The following FILIP1 variants were observed in gnomAD, a reference collection of about 807,000 sequenced individuals.
FILIP1 encodes the protein filamin A interacting protein 1, also known as filamin-A-interacting protein 1.
A neutral mutation model predicts 102.1 loss-of-function variants in FILIP1; 61 were observed. The ratio of observed to expected loss-of-function variants is 0.60; its 90% CI spans 0.49 to 0.74. The LOEUF (loss-of-function observed/expected upper bound fraction) is 0.74. Among genes scored for constraint, FILIP1 ranks in the 30% least tolerant of loss-of-function variants. The pLI is 0.00. For synonymous variants in FILIP1, 491 were observed against 526.9 expected, an observed-to-expected ratio of 0.93 and a Z score of 0.93; for missense variants, 1,314 against 1,441.2, an observed-to-expected ratio of 0.91 and a Z score of 1.43.
chr6:75,306,915 G>A (rs1056790606), downstream of FILIP1, among the ~76,000 whole-genome samples: 20 of 151,812 alleles, frequency 1.3e-4, no homozygotes, highest in African/African-American at 4.8e-4. Context: ...TGATTCTCCT[G>A]CCTCAGCCTC....
chr6:75,298,248 A>T (rs1206508617), intron 6 of FILIP1, among the ~76,000 whole-genome samples: 1 of 152,224 alleles, frequency 6.6e-6, no homozygotes, highest in East Asian at 1.9e-4. Flanking sequence ...CATGCATCCT[A>T]TGTATGCTAA....
intron 2 of FILIP1, among the ~76,000 whole-genome samples, chr6:75,387,500 C>T (rs1776139806): frequency 6.6e-6 from 1 of 152,136 alleles, no homozygotes; most frequent in African/African-American, 2.4e-5. Flanking sequence ...AATTTACACT[C>T]CCACCAACAG....
chr6:75,358,217 G>C (rs1441187379), intron 3 of FILIP1: 1 of 152,138 alleles, frequency 6.6e-6, no homozygotes, highest in Non-Finnish European at 1.5e-5. Flanking sequence ...TTTTAACTCT[G>C]TTACCTGCAA....
intron 1 of FILIP1, among the ~76,000 whole-genome samples, chr6:75,464,582 A>T (rs994141340): frequency 2.0e-5 from 3 of 152,220 alleles, no homozygotes; most frequent in Admixed American, 2.0e-4. Flanking sequence ...ACTCACAGCC[A>T]GCCAATTCTA....
chr6:75,319,114 T>TG lies in FILIP1; in HGVS notation c.630-3913_630-3912insC, dbSNP rs1409843903. 5.5e-6 allele frequency: 4 copies of TG among 726,764 alleles called. No homozygotes were observed. In the African/African-American group the frequency reaches 7.0e-5, roughly 13 times the overall value. The allele number at this position is 726,764 out of a possible 1,614,324, so 45.0% of individuals were successfully genotyped here. On this transcript the variant is annotated intron_variant, in intron 4 of 5. Coordinates refer to ENST00000237172, the MANE Select transcript of FILIP1 (RefSeq NM_015687.5). ...CTCTTCATCTTCCTCCTCTTCCTTC[T>TG]TTTTCTTGCTTTTTTCAGACTTGAC...
chr6:75,425,340 G>A (rs112164696), intron 1 of FILIP1, among the ~76,000 whole-genome samples: 7 of 152,248 alleles, frequency 4.6e-5, no homozygotes, highest in East Asian at 1.9e-4. Context: ...ATTAAGGTGC[G>A]CTAGAAATTT....
chr6:75,368,873 G>A (rs141495347), intron 2 of FILIP1, among the ~76,000 whole-genome samples: 1 of 152,136 alleles, frequency 6.6e-6, no homozygotes, highest in East Asian at 1.9e-4. Flanking sequence ...TCAGATTTGC[G>A]TGCTGGAAAC....
At chr6:75,476,031 A>G in intron 1 of FILIP1, among the ~76,000 whole-genome samples, 1 of 152,172 alleles carries the variant, frequency 6.6e-6, no homozygotes, top group Admixed American at 6.5e-5. Flanking sequence ...ACTTGAGGTT[A>G]GGAGTTCGAG....
At chr6:75,363,844 G>T (rs1775243423) in intron 2 of FILIP1, among the ~76,000 whole-genome samples, 1 of 152,144 alleles carries the variant, frequency 6.6e-6, no homozygotes, top group Non-Finnish European at 1.5e-5. Context: ...TTATACTAAA[G>T]AAAAAGCTGG....
At chr6:75,423,608 C>T (rs1440344853) in intron 1 of FILIP1, among the ~76,000 whole-genome samples, 1 of 152,226 alleles carries the variant, frequency 6.6e-6, no homozygotes, top group Non-Finnish European at 1.5e-5. Flanking sequence ...AACTGTAATG[C>T]CTGCAGCTGG....
chr6:75,360,552 A>G (rs2149610274), intron 3 of FILIP1: 1 of 152,352 alleles, frequency 6.6e-6, no homozygotes, highest in South Asian at 2.1e-4. Context: ...GAAAGAAATG[A>G]AAGCCTTCAA....
At chr6:75,419,884 C>T (rs1224307438) in intron 1 of FILIP1, among the ~76,000 whole-genome samples, 1 of 152,136 alleles carries the variant, frequency 6.6e-6, no homozygotes, top group Non-Finnish European at 1.5e-5. Context: ...ATATATTGCT[C>T]AGAAATGTTC....
chr6:75,350,296 A>C (rs953882579), intron 4 of FILIP1, among the ~76,000 whole-genome samples: 10 of 152,218 alleles, frequency 6.6e-5, no homozygotes, highest in Admixed American at 5.9e-4. Context: ...AGTGAGAGTC[A>C]AAGGTCTCTT....
chr6:75,369,414 C>G (rs901815222), intron 2 of FILIP1, among the ~76,000 whole-genome samples: 1 of 152,184 alleles, frequency 6.6e-6, no homozygotes, highest in Non-Finnish European at 1.5e-5. Context: ...CATAATATTC[C>G]TGTGTCTAGC....
chr6:75,470,541 AAT>A (rs1779299382), intron 1 of FILIP1, among the ~76,000 whole-genome samples: 2 of 152,212 alleles, frequency 1.3e-5, no homozygotes, highest in Non-Finnish European at 2.9e-5. Flanking sequence ...AGAACCAACC[AAT>A]ATGTTTATTT....
chr6:75,378,884 A>C (rs1181648568), intron 2 of FILIP1, among the ~76,000 whole-genome samples: 1 of 152,180 alleles, frequency 6.6e-6, no homozygotes, highest in Non-Finnish European at 1.5e-5. Flanking sequence ...ATTGGTACCA[A>C]AATAAGGGTA....
At chr6:75,413,784 GAAA>G (rs35853449) in intron 2 of FILIP1, among the ~76,000 whole-genome samples, 2 of 136,648 alleles carry the variant, frequency 1.5e-5, no homozygotes, top group African/African-American at 2.7e-5. Context: ...TCTTCTCCAG[GAAA>G]AAAAAAAAAA....
chr6:75,297,935 T>A lies in FILIP1; in HGVS notation c.3494-1985A>T, dbSNP rs1415732209. 2.0e-5 allele frequency among the ~76,000 whole-genome samples: 3 copies of A among 152,350 alleles called. No individual in the cohort carries two copies. The East Asian group carries it at 5.8e-4, about 29-fold the overall frequency. On this transcript the variant is annotated intron_variant, in intron 6 of 6. Coordinates refer to the FILIP1 transcript ENST00000393004. Reference sequence around the variant, plus strand: ...TTAGAGAGCATCTCAAAAATCCCTTTCAGGGTTAACATTTTGTATTACTAC... The same window carrying A: ...TTAGAGAGCATCTCAAAAATCCCTTACAGGGTTAACATTTTGTATTACTAC...
chr6:75,420,586 TC>T (rs1249956735), intron 1 of FILIP1, among the ~76,000 whole-genome samples: 1 of 152,198 alleles, frequency 6.6e-6, no homozygotes, highest in Non-Finnish European at 1.5e-5. Context: ...TTTCAATGCC[TC>T]CCATACATTT....
Sources: allele counts gnomAD v4.1 joint callset (sites outside exome capture counted in the v4.1 genomes callset), GRCh38; gene constraint gnomAD v4.1.1; transcripts MANE v1.5; gene names NCBI Gene and HGNC (gene_info 2026-07-23, HGNC 2026-07-21).